Variants in NBPF26 observed in about 807,000 individuals in gnomAD.
The protein encoded by NBPF26 is NBPF member 26.
NBPF26 carries 79 observed loss-of-function variants against 119.6 expected under a neutral mutation model. The observed-to-expected ratio is 0.66, with a 90% CI of 0.55 to 0.80. The LOEUF is 0.80. Among genes scored for constraint, NBPF26 ranks in the 30% least tolerant of loss-of-function variants. The pLI, the probability that NBPF26 is intolerant of heterozygous loss-of-function variation, is 0.00. For missense variants in NBPF26, 800 were observed against 1,198.2 expected, an observed-to-expected ratio of 0.67 and a Z score of 4.91; for synonymous variants, 299 against 457.7, an observed-to-expected ratio of 0.65 and a Z score of 4.43.
chr1:120,779,460 A>C lies in NBPF26; in HGVS notation c.156-5514A>C, dbSNP rs1472128159. Among the ~76,000 whole-genome samples the C allele has an allele frequency of 3.4e-5, 4 of 116,588 alleles. No individual in the cohort carries two copies. In the East Asian group the frequency reaches 8.1e-4, roughly 24 times the overall value. The allele number at this position is 116,588 out of a possible 152,430, so 76.5% of individuals were successfully genotyped here. A position where few individuals can be genotyped will look rare whatever the true frequency, so the allele number is the denominator to read the frequency against. On this transcript the variant is annotated intron_variant, in intron 2 of 29. Coordinates refer to ENST00000620612, the Ensembl canonical transcript of NBPF26. ...TCATCTGCGAAGTATGTTCTTTCAG[A>C]GTTCAATGCTAGAGAAGAGAGAGTA...
chr1:120,802,334 C>T (rs1651592220), intron 4 of NBPF26, among the ~76,000 whole-genome samples: 1 of 125,888 alleles, frequency 7.9e-6, no homozygotes, highest in Admixed American at 7.6e-5. Flanking sequence ...GGGTAGGACC[C>T]ATTGAGCTGC....
chr1:120,840,371 A>T lies in NBPF26; in HGVS notation c.4125A>T (p.Glu1375Asp). 3 of 1,459,728 alleles carry T rather than the reference A, an allele frequency of 2.1e-6. 1 individual carries two copies. Among genetic ancestry groups the T allele is most frequent in the Non-Finnish European group, 2.8e-6 (3 of 1,085,146 alleles). 90.4% of individuals were successfully genotyped at this position (1,459,728 alleles called of 1,614,324 possible). A position where few individuals can be genotyped will look rare whatever the true frequency, so the allele number is the denominator to read the frequency against. Residue 1375 changes from glutamate (E) to aspartate (D), a missense_variant, in exon 30 of 30, where the codon GAA becomes GAT. This residue lies in a region of NBPF26 where 155 missense variants were observed against 95.9 expected (regional missense o/e 1.62). Transcript: ENST00000620612. ...GCAGGCTCAACAGCATGCTGATGGAAGTGGAAGAGCCTGAAGTCTTGCAGG... is the reference window on the plus strand; with the variant it reads ...GCAGGCTCAACAGCATGCTGATGGATGTGGAAGAGCCTGAAGTCTTGCAGG...
At chr1:120,811,374 C>T (rs1463413734) in intron 9 of NBPF26, among the ~76,000 whole-genome samples, 1 of 110,872 alleles carries the variant, frequency 9.0e-6, no homozygotes, top group Non-Finnish European at 1.7e-5. Flanking sequence ...GGCGAAACCC[C>T]ATCTCTACTA....
intron 9 of NBPF26, among the ~76,000 whole-genome samples, 155 bp from the exon 10 acceptor site, chr1:120,811,731 T>C (rs1326729785): frequency 8.9e-6 from 1 of 112,868 alleles, no homozygotes; most frequent in Non-Finnish European, 1.7e-5. Flanking sequence ...CAAGTTGACT[T>C]AAAGGAGATC....
At position 120,729,781 on chromosome 1, in the gene NBPF26, T is replaced by C. The variant is rs1226062559; in HGVS notation, c.73+5531T>C. ...CTGATTCAGTGCATCTGGAGTGTCA[T>C]CTGGGAATTTGTGTGTTCAAGAAAT... On this transcript the variant is annotated intron_variant, in intron 1 of 29. Coordinates refer to ENST00000620612, the Ensembl canonical transcript of NBPF26. Among the ~76,000 whole-genome samples the C allele has an allele frequency of 1.7e-5, 2 of 116,642 alleles. 1 individual carries two copies. Among genetic ancestry groups the C allele is most frequent in the Non-Finnish European group, 3.3e-5 (2 of 60,858 alleles). 76.5% of individuals were successfully genotyped at this position (116,642 alleles called of 152,430 possible).
At position 120,806,907 on chromosome 1, in the gene NBPF26, T is replaced by C. The variant is rs1314313624; in HGVS notation, c.962-700T>C. Among the ~76,000 whole-genome samples the C allele has an allele frequency of 4.0e-5, 5 of 125,928 alleles. 1 individual carries two copies. The East Asian group carries it at 9.9e-4, about 25-fold the overall frequency. 82.6% of individuals were successfully genotyped at this position (125,928 alleles called of 152,430 possible). ...ATGAGGTATTTCCTGTCAATCTCCT[T>C]GAACATTAATTGGCACAGTGTAAAC... On this transcript the variant is annotated intron_variant, in intron 5 of 29. Coordinates refer to ENST00000620612, the Ensembl canonical transcript of NBPF26.
intron 5 of NBPF26, among the ~76,000 whole-genome samples, chr1:120,806,137 A>G (rs1300244389): frequency 8.9e-6 from 1 of 112,964 alleles, no homozygotes; most frequent in African/African-American, 4.6e-5. Context: ...AGGACTAGTG[A>G]ACTTTTATTC....
chr1:120,756,388 A>T (rs1277073799), intron 1 of NBPF26, among the ~76,000 whole-genome samples: 1 of 118,086 alleles, frequency 8.5e-6, no homozygotes, highest in East Asian at 2.1e-4. Context: ...AAGTTAAAAG[A>T]GCCTGTATAA....
chr1:120,724,147 G>C, exon 1 of NBPF26: 1 of 1,278,062 alleles, frequency 7.8e-7, no homozygotes, highest in Non-Finnish European at 1.0e-6. Context: ...CGGCGGCGGC[G>C]GCGGAGGAGG....
At position 120,814,767 on chromosome 1, in the gene NBPF26, A is replaced by T. The variant is rs1651969014; in HGVS notation, c.1878-62A>T. ...ACATTGTCTCAGAAATCTCTGTTGC[A>T]ATATTTGAGCGGATCACTCAACCCT... On this transcript the variant is annotated intron_variant, in intron 11 of 29. Coordinates refer to ENST00000620612, the Ensembl canonical transcript of NBPF26. 12 of 1,038,914 alleles carry T rather than the reference A, an allele frequency of 1.2e-5. 1 individual carries two copies. The South Asian group carries it at 1.4e-4, about 13-fold the overall frequency. The allele number at this position is 1,038,914 out of a possible 1,614,324, so 64.4% of individuals were successfully genotyped here.
chr1:120,833,244 G>T (rs1465953868), intron 23 of NBPF26, among the ~76,000 whole-genome samples: 15 of 112,278 alleles, frequency 1.3e-4, no homozygotes, highest in African/African-American at 7.9e-4. Flanking sequence ...CATATTTTAT[G>T]GAAAACTATT....
intron 15 of NBPF26, among the ~76,000 whole-genome samples, chr1:120,819,320 T>C (rs1652081562): frequency 8.6e-6 from 1 of 115,788 alleles, no homozygotes; most frequent in Non-Finnish European, 1.7e-5. Context: ...TTTTTTGTTT[T>C]CCATTTGCTT....
rs1217547090 is a variant in NBPF26, at chr1:120,807,330, A to C, written c.962-277A>C. Among the ~76,000 whole-genome samples, 5 of 125,246 alleles carry C rather than the reference A, an allele frequency of 4.0e-5. 2 individuals carry two copies. The highest frequency in any genetic ancestry group is 1.9e-4 in the African/African-American group (5 of 25,926). 82.2% of individuals were successfully genotyped at this position (125,246 alleles called of 152,430 possible). ...GGCCCCGCATTCAGAGTCAGACCTC[A>C]GGGACTGTGAGTTCTGACTCCACTT... On this transcript the variant is annotated intron_variant, in intron 5 of 29. Coordinates refer to ENST00000620612, the Ensembl canonical transcript of NBPF26.
At chr1:120,794,210 C>A (rs1307076342) in intron 4 of NBPF26, among the ~76,000 whole-genome samples, 1 of 115,748 alleles carries the variant, frequency 8.6e-6, no homozygotes, top group Non-Finnish European at 1.6e-5. Flanking sequence ...GCACACACAA[C>A]CCAAAGATAG....
chr1:120,805,107 C>T (rs1360477425), intron 4 of NBPF26, among the ~76,000 whole-genome samples: 1 of 124,546 alleles, frequency 8.0e-6, no homozygotes, highest in African/African-American at 3.9e-5. Flanking sequence ...TTGGGAAAGA[C>T]ACGGGTCTGT....
intron 1 of NBPF26, among the ~76,000 whole-genome samples, chr1:120,754,919 G>A (rs1380372344): frequency 2.2e-4 from 28 of 127,782 alleles, no homozygotes; most frequent in African/African-American, 8.6e-4. Flanking sequence ...GTTACACAAA[G>A]TGAAATTCCA....
intron 2 of NBPF26, among the ~76,000 whole-genome samples, chr1:120,779,965 G>C (rs1651343993): frequency 7.7e-6 from 1 of 130,696 alleles, no homozygotes; most frequent in Admixed American, 7.6e-5. Flanking sequence ...TAGCTTCCTG[G>C]GGTGTGAAGG....
chr1:120,828,594 CT>C (rs1652273737), intron 18 of NBPF26, among the ~76,000 whole-genome samples: 1 of 89,730 alleles, frequency 1.1e-5, no homozygotes, highest in Non-Finnish European at 2.0e-5. Context: ...AGATTTCATC[CT>C]TCACTCTAAT....
At chr1:120,806,221 C>T (rs1280521101) in intron 5 of NBPF26, among the ~76,000 whole-genome samples, 2 of 123,778 alleles carry the variant, frequency 1.6e-5, no homozygotes, top group Non-Finnish European at 3.3e-5. Context: ...GGTGATAGTA[C>T]CCAGTACCTG....
Sources: allele counts gnomAD v4.1 joint callset (sites outside exome capture counted in the v4.1 genomes callset), GRCh38; gene constraint gnomAD v4.1.1; regional missense constraint gnomAD v4.1.1; transcripts MANE v1.5; gene names NCBI Gene and HGNC (gene_info 2026-07-23, HGNC 2026-07-21).